NOL4L: variants seen among roughly 807,000 people sequenced by gnomAD.
The protein encoded by NOL4L is nucleolar protein 4-like.
NOL4L carries 7 observed loss-of-function variants against 64.5 expected under a neutral mutation model. The observed-to-expected ratio is 0.11, with a 90% CI of 0.06 to 0.20. NOL4L has a LOEUF of 0.20. NOL4L is among the 10% of genes least tolerant of loss of function. NOL4L has a pLI of 1.00. For synonymous variants in NOL4L, 413 were observed against 401.0 expected, an observed-to-expected ratio of 1.03 and a Z score of -0.36; for missense variants, 680 against 967.1, an observed-to-expected ratio of 0.70 and a Z score of 3.94.
intron 4 of NOL4L, among the ~76,000 whole-genome samples, chr20:32,481,639 G>A (rs1043863682): frequency 6.6e-6 from 1 of 152,206 alleles, no homozygotes; most frequent in Non-Finnish European, 1.5e-5. Flanking sequence ...CTCAAGAGGT[G>A]CTGTCTTAAA....
At chr20:32,548,703 T>C (rs983320775) in intron 1 of NOL4L, 9 of 340,224 alleles carry the variant, frequency 2.6e-5, no homozygotes, top group Admixed American at 1.2e-4. Context: ...CAAAAGCACA[T>C]GCCCTCAGAC....
chr20:32,550,583 T>C (rs2018786922), intron 1 of NOL4L, among the ~76,000 whole-genome samples: 1 of 152,026 alleles, frequency 6.6e-6, no homozygotes, highest in South Asian at 2.1e-4. Context: ...TCGTCTCTAC[T>C]AAAAATACAA....
At chr20:32,475,433 G>T in intron 4 of NOL4L, 2 of 690,050 alleles carry the variant, frequency 2.9e-6, no homozygotes, top group Non-Finnish European at 3.6e-6. Flanking sequence ...CTGGGGGGCC[G>T]CCAGGGCGTT....
At chr20:32,558,900 G>A (rs1398017916) in intron 1 of NOL4L, among the ~76,000 whole-genome samples, 1 of 152,238 alleles carries the variant, frequency 6.6e-6, no homozygotes, top group South Asian at 2.1e-4. Flanking sequence ...CTGCAGCCTG[G>A]ACCGGAGCAG....
chr20:32,452,272 G>A lies in NOL4L; in HGVS notation c.1786C>T (p.Pro596Ser). ...TTTCCTGTTTGGAGGGAGGCAGGGG[G>A]CTGCAGGTTGCTGCTCAAGGCCCCG... ...GYGALSSNLQ[P>S]PASLQTGNHS... The change falls in exon 10 of 11, where the codon CCC becomes TCC. Residue 596 changes from proline to serine, a missense_variant. Pro to Ser is a moderately conservative substitution (Grantham distance 74). Around this residue, in one of 4 missense-constraint regions of NOL4L, gnomAD observed 175 missense variants for 227.0 expected, o/e 0.77. Transcript: ENST00000621426. The A allele has an allele frequency of 1.9e-6, 3 of 1,590,062 alleles. No individual in the cohort carries two copies. The highest frequency in any genetic ancestry group is 2.6e-6 in the Non-Finnish European group (3 of 1,166,286).
chr20:32,464,892 C>T lies in NOL4L; in HGVS notation c.842-8497G>A, dbSNP rs1449229349. 9 of 423,580 alleles carry T rather than the reference C, an allele frequency of 2.1e-5. No individual in the cohort carries two copies. The highest frequency in any genetic ancestry group is 4.1e-5 in the African/African-American group (2 of 48,876). The allele number at this position is 423,580 out of a possible 1,614,324, so 26.2% of individuals were successfully genotyped here. A position where few individuals can be genotyped will look rare whatever the true frequency, so the allele number is the denominator to read the frequency against. On this transcript the variant is annotated intron_variant, in intron 5 of 10. Coordinates refer to ENST00000621426, the MANE Select transcript of NOL4L (RefSeq NM_001256798.2). This position sits in a 1 kb window ranked among gnomAD's most constrained non-coding sequence, Gnocchi z 5.6. ...AGATATTTCACCTTCTTCTTTCCTA[C>T]GGAGCCGCTGAGACGCAGCGTGTAT... is the stretch of plus-strand genomic sequence containing the variant.
chr20:32,536,678 A>G (rs182449740), intron 1 of NOL4L, among the ~76,000 whole-genome samples: 1,555 of 149,204 alleles, frequency 0.01, 22 homozygotes, highest in African/African-American at 0.036. Context: ...TGTATTCTGC[A>G]GGAGACGTTA....
Position 32,464,797 on chromosome 20 carries a change from C to G in NOL4L, c.842-8402G>C. ...AGGTGAAATCAATTTTAATAATCTA[C>G]TTTATTTAACCCAATATATCCAAAA... On this transcript the variant is annotated intron_variant, in intron 5 of 10. Coordinates refer to ENST00000621426, the MANE Select transcript of NOL4L (RefSeq NM_001256798.2). This position sits in a 1 kb window ranked among gnomAD's most constrained non-coding sequence, Gnocchi z 5.6. 2.5e-6 allele frequency: 1 copy of G among 397,878 alleles called. No homozygotes were observed. Among genetic ancestry groups the G allele is most frequent in the Non-Finnish European group, 4.5e-6 (1 of 224,660 alleles). 24.6% of individuals were successfully genotyped at this position (397,878 alleles called of 1,614,324 possible). A position where few individuals can be genotyped will look rare whatever the true frequency, so the allele number is the denominator to read the frequency against.
chr20:32,568,796 T>G (rs1254632140), intron 1 of NOL4L, among the ~76,000 whole-genome samples: 1 of 152,068 alleles, frequency 6.6e-6, no homozygotes, highest in Non-Finnish European at 1.5e-5. Context: ...GGCTCCTGAG[T>G]CTCTCCGTCC....
intron 4 of NOL4L, among the ~76,000 whole-genome samples, chr20:32,502,546 G>A (rs778547013): frequency 2.0e-5 from 3 of 151,154 alleles, no homozygotes; most frequent in East Asian, 3.9e-4. Flanking sequence ...TGAGGATCAC[G>A]CCACTACACT....
At chr20:32,473,469 C>T (rs576395931) in intron 5 of NOL4L, among the ~76,000 whole-genome samples, 16 of 152,312 alleles carry the variant, frequency 1.1e-4, no homozygotes, top group Middle Eastern at 3.4e-3. Context: ...GCACAAAAGC[C>T]TTTTCTTTGC....
chr20:32,564,932 C>T (rs894951698), intron 1 of NOL4L: 1 of 152,342 alleles, frequency 6.6e-6, no homozygotes, highest in African/African-American at 2.4e-5. Flanking sequence ...TGGGCCGTGG[C>T]CAGGAAGGCT....
intron 4 of NOL4L, among the ~76,000 whole-genome samples, chr20:32,492,734 T>G (rs1378776887): frequency 6.6e-6 from 1 of 152,118 alleles, no homozygotes; most frequent in Non-Finnish European, 1.5e-5. Context: ...AATAACAAGG[T>G]TGATATTCAT....
At chr20:32,555,296 A>G (rs757746045) in intron 1 of NOL4L, among the ~76,000 whole-genome samples, 1 of 152,028 alleles carries the variant, frequency 6.6e-6, no homozygotes, top group African/African-American at 2.4e-5. Context: ...GTATTTGTGG[A>G]TAGGACCTTT....
chr20:32,477,265 G>A (rs890311647), intron 4 of NOL4L, among the ~76,000 whole-genome samples: 1 of 152,178 alleles, frequency 6.6e-6, no homozygotes, highest in African/African-American at 2.4e-5. Flanking sequence ...TGACAGCCCC[G>A]CTCCACAGAT....
At chr20:32,508,499 T>G (rs976590424) in intron 4 of NOL4L, among the ~76,000 whole-genome samples, 24 of 152,208 alleles carry the variant, frequency 1.6e-4, no homozygotes, top group Non-Finnish European at 3.5e-4. Flanking sequence ...CATGGAGTGC[T>G]GAAGACTGAC....
Position 32,446,855 on chromosome 20 carries a change from T to A in NOL4L, c.*741A>T. On this transcript the variant is annotated 3_prime_UTR_variant, in exon 11 of 11. Coordinates refer to ENST00000621426, the MANE Select transcript of NOL4L (RefSeq NM_001256798.2). ...TTCTGTAGAATGGGGTCGGGGTGCCTCTTTTGTTTTGCTTTGCCATGGGTG... is the reference window on the plus strand; with the variant it reads ...TTCTGTAGAATGGGGTCGGGGTGCCACTTTTGTTTTGCTTTGCCATGGGTG... The A allele has an allele frequency of 4.5e-6, 1 of 224,426 alleles. No homozygotes were observed. Among genetic ancestry groups the A allele is most frequent in the Non-Finnish European group, 8.9e-6 (1 of 111,952 alleles). 13.9% of individuals were successfully genotyped at this position (224,426 alleles called of 1,614,324 possible).
intron 3 of NOL4L, among the ~76,000 whole-genome samples, chr20:32,517,128 G>T (rs1471377337): frequency 2.6e-5 from 4 of 152,182 alleles, no homozygotes; most frequent in Non-Finnish European, 4.4e-5. Flanking sequence ...CACTGGGGGA[G>T]GGCACGGGGC....
At chr20:32,580,956 C>T (rs540376189) in intron 1 of NOL4L, among the ~76,000 whole-genome samples, 2 of 152,368 alleles carry the variant, frequency 1.3e-5, no homozygotes, top group African/African-American at 2.4e-5. Context: ...ACTTTGTGGC[C>T]AATGCCGGAA....
Sources: allele counts gnomAD v4.1 joint callset (sites outside exome capture counted in the v4.1 genomes callset), GRCh38; gene constraint gnomAD v4.1.1; regional missense constraint gnomAD v4.1.1; non-coding constraint Gnocchi (gnomAD v3.1); transcripts MANE v1.5; gene names NCBI Gene and HGNC (gene_info 2026-07-23, HGNC 2026-07-21).